The following DOK5 variants were observed in gnomAD, a reference collection of about 807,000 sequenced individuals.
DOK5 encodes downstream of tyrosine kinase 5.
DOK5 carries 27 observed loss-of-function variants against 43.3 expected under a neutral mutation model. The ratio of observed to expected loss-of-function variants is 0.62; its 90% CI spans 0.46 to 0.86. The LOEUF (loss-of-function observed/expected upper bound fraction) is 0.86. Among genes scored for constraint, DOK5 ranks in the 40% least tolerant of loss-of-function variants. The pLI, the probability that DOK5 is intolerant of heterozygous loss-of-function variation, is 0.00. For missense variants in DOK5, 373 were observed against 392.9 expected, an observed-to-expected ratio of 0.95 and a Z score of 0.43; for synonymous variants, 146 against 140.1, an observed-to-expected ratio of 1.04 and a Z score of -0.30.
intron 6 of DOK5, among the ~76,000 whole-genome samples, chr20:54,613,101 G>T (rs575712465): frequency 2.5e-4 from 38 of 152,200 alleles, no homozygotes; most frequent in African/African-American, 9.2e-4. Context: ...TGAGCAGACT[G>T]GTTGGTCCAG....
At chr20:54,502,055 A>G (rs1195063624) in intron 1 of DOK5, among the ~76,000 whole-genome samples, 2 of 152,216 alleles carry the variant, frequency 1.3e-5, no homozygotes, top group Non-Finnish European at 2.9e-5. Context: ...GGGAAGGTTA[A>G]TAAAGAGAGA....
intron 1 of DOK5, among the ~76,000 whole-genome samples, chr20:54,484,590 T>C (rs1981853098): frequency 6.6e-6 from 1 of 152,212 alleles, no homozygotes; most frequent in South Asian, 2.1e-4. Flanking sequence ...ATATAGAACA[T>C]TTCATCCCCT....
At chr20:54,629,544 A>G (rs1228957485) in intron 6 of DOK5, among the ~76,000 whole-genome samples, 3 of 152,218 alleles carry the variant, frequency 2.0e-5, no homozygotes, top group Non-Finnish European at 4.4e-5. Flanking sequence ...GATATAAAAC[A>G]TATTTATGAA....
At chr20:54,609,714 C>A (rs1323727723) in intron 5 of DOK5, among the ~76,000 whole-genome samples, 1 of 151,908 alleles carries the variant, frequency 6.6e-6, no homozygotes, top group Non-Finnish European at 1.5e-5. Flanking sequence ...TTACCTTTAC[C>A]ATCTGAGGTA....
intron 1 of DOK5, among the ~76,000 whole-genome samples, chr20:54,546,331 A>C (rs1266433224): frequency 6.6e-6 from 1 of 152,252 alleles, no homozygotes; most frequent in Admixed American, 6.5e-5. Flanking sequence ...TGCTTTGGAA[A>C]GTAAGTGCCA....
intron 5 of DOK5, among the ~76,000 whole-genome samples, chr20:54,604,302 C>CTTT (rs548292886): frequency 1.7e-4 from 24 of 143,846 alleles, no homozygotes; most frequent in African/African-American, 5.8e-4. Flanking sequence ...ACATTCTGTG[C>CTTT]TTTTTTTTTT....
chr20:54,491,524 G>A (rs1982176227), intron 1 of DOK5, among the ~76,000 whole-genome samples: 1 of 152,144 alleles, frequency 6.6e-6, no homozygotes, highest in Non-Finnish European at 1.5e-5. Flanking sequence ...AGGGTGAGAA[G>A]GGCCCAATTT....
chr20:54,645,087 A>C (rs980331243), intron 7 of DOK5, among the ~76,000 whole-genome samples: 15 of 139,068 alleles, frequency 1.1e-4, no homozygotes, highest in Non-Finnish European at 2.1e-4. Context: ...GGCTCACTGC[A>C]AGTTCCGCGC....
intron 1 of DOK5, among the ~76,000 whole-genome samples, chr20:54,480,728 G>A (rs1157049116): frequency 6.6e-6 from 1 of 152,144 alleles, no homozygotes; most frequent in Admixed American, 6.5e-5. Context: ...TCCATATACT[G>A]CAGAGAAGTC....
intron 1 of DOK5, among the ~76,000 whole-genome samples, chr20:54,494,512 G>C (rs1202752308): frequency 6.6e-6 from 1 of 152,148 alleles, no homozygotes; most frequent in Non-Finnish European, 1.5e-5. Context: ...GTGTGACTCA[G>C]TGACAGCTTG....
At chr20:54,485,856 A>C (rs1396218933) in intron 1 of DOK5, among the ~76,000 whole-genome samples, 1 of 152,070 alleles carries the variant, frequency 6.6e-6, no homozygotes, top group African/African-American at 2.4e-5. Context: ...ATTCTTCTAG[A>C]TGTGTCGTGG....
At chr20:54,558,152 A>AAAAT (rs1355486267) in intron 2 of DOK5, among the ~76,000 whole-genome samples, 1 of 152,206 alleles carries the variant, frequency 6.6e-6, no homozygotes, top group East Asian at 1.9e-4. Flanking sequence ...TGATTTGGAG[A>AAAAT]AAATAGGGTG....
intron 6 of DOK5, among the ~76,000 whole-genome samples, chr20:54,626,538 T>G (rs1365896535): frequency 6.6e-6 from 1 of 152,228 alleles, no homozygotes; most frequent in African/African-American, 2.4e-5. Context: ...TTTTTTCTTT[T>G]TATAATTTGT....
Position 54,542,830 on chromosome 20 carries a change from A to T in DOK5, c.67-12103A>T, listed in dbSNP as rs186589055. Among the ~76,000 whole-genome samples the T allele has an allele frequency of 9.8e-5, 15 of 152,340 alleles. No individual in the cohort carries two copies. In the East Asian group the frequency reaches 2.7e-3, roughly 27 times the overall value. On this transcript the variant is annotated intron_variant, in intron 1 of 7. Coordinates refer to ENST00000262593, the MANE Select transcript of DOK5 (RefSeq NM_018431.5). ...AAAGGCATCAGGCAGCCACAGAAAC[A>T]CTTTAGGTAAAGGAGCAATGTGTTC...
chr20:54,596,180 G>T (rs1372926514), intron 5 of DOK5, among the ~76,000 whole-genome samples: 1 of 152,186 alleles, frequency 6.6e-6, no homozygotes, highest in African/African-American at 2.4e-5. Flanking sequence ...CACACCAAGC[G>T]TGAAGGTTTC....
intron 6 of DOK5, among the ~76,000 whole-genome samples, chr20:54,632,769 G>C (rs1978629913): frequency 6.6e-6 from 1 of 152,146 alleles, no homozygotes; most frequent in Non-Finnish European, 1.5e-5. Flanking sequence ...AACCATCTGG[G>C]AACTTGTTAC....
At chr20:54,565,142 A>G (rs1441068730) in intron 2 of DOK5, among the ~76,000 whole-genome samples, 1 of 152,206 alleles carries the variant, frequency 6.6e-6, no homozygotes, top group African/African-American at 2.4e-5. Context: ...GATACATTCC[A>G]AGACCCCCAG....
chr20:54,541,813 C>A (rs1448822007), intron 1 of DOK5, among the ~76,000 whole-genome samples: 2 of 152,142 alleles, frequency 1.3e-5, no homozygotes, highest in African/African-American at 4.8e-5. Flanking sequence ...GCCCTGAACT[C>A]TTCTCCTATC....
At chr20:54,578,012 T>C (rs1180658033) in intron 2 of DOK5, among the ~76,000 whole-genome samples, 4 of 152,230 alleles carry the variant, frequency 2.6e-5, no homozygotes, top group Non-Finnish European at 2.9e-5. Flanking sequence ...AGCTGCAGAA[T>C]GTGCCTTTGG....
Sources: allele counts gnomAD v4.1 joint callset (sites outside exome capture counted in the v4.1 genomes callset), GRCh38; gene constraint gnomAD v4.1.1; transcripts MANE v1.5; gene names NCBI Gene and HGNC (gene_info 2026-07-23, HGNC 2026-07-21).